The following HHLA1 variants were observed in gnomAD, a reference collection of about 807,000 sequenced individuals.
HHLA1 encodes the protein HERV-H LTR-associating protein 1.
A neutral mutation model predicts 69.9 loss-of-function variants in HHLA1; 72 were observed. The ratio of observed to expected loss-of-function variants is 1.03; its 90% CI spans 0.85 to 1.25. The LOEUF (loss-of-function observed/expected upper bound fraction) is 1.25, where lower values mean the gene tolerates loss of function less well. HHLA1 is among the 50% of genes most tolerant of loss of function. HHLA1 has a pLI of 0.00. For missense variants in HHLA1, 685 were observed against 642.2 expected (o/e 1.07, Z -0.72); for synonymous variants, 252 against 233.2 (o/e 1.08, Z -0.73).
chr8:132,100,197 G>A (rs1824090858), intron 3 of HHLA1, 63 bp from the exon 4 acceptor site: 2 of 1,280,576 alleles, frequency 1.6e-6, no homozygotes, highest in East Asian at 2.5e-5. Context: ...CCCAGGAATG[G>A]AAGAAGCCTT....
At chr8:132,082,551 T>C (rs1450520606) in intron 10 of HHLA1, among the ~76,000 whole-genome samples, 4 of 151,928 alleles carry the variant, frequency 2.6e-5, no homozygotes, top group Non-Finnish European at 5.9e-5. Context: ...AGGTAACAGA[T>C]GAGGAAGAAA....
intron 7 of HHLA1, among the ~76,000 whole-genome samples, chr8:132,092,734 T>G (rs1263048763): frequency 2.6e-5 from 4 of 152,196 alleles, no homozygotes; most frequent in Non-Finnish European, 5.9e-5. Flanking sequence ...TGATTAGACC[T>G]CTTCTCTTTA....
intron 2 of HHLA1, 51 bp from the exon 3 acceptor site, chr8:132,104,218 G>T: frequency 1.5e-6 from 2 of 1,327,280 alleles, no homozygotes; most frequent in Admixed American, 2.0e-5. Context: ...ACATAATACC[G>T]GAGATAATTT....
intron 7 of HHLA1, among the ~76,000 whole-genome samples, chr8:132,092,938 C>T (rs537929542): frequency 6.6e-6 from 1 of 152,294 alleles, no homozygotes; most frequent in Admixed American, 6.5e-5. Flanking sequence ...ACCATCAAAC[C>T]ATTAGAGCAG....
At chr8:132,091,684 G>A (rs1303221127) in intron 7 of HHLA1, among the ~76,000 whole-genome samples, 3 of 152,198 alleles carry the variant, frequency 2.0e-5, no homozygotes, top group Non-Finnish European at 4.4e-5. Flanking sequence ...GAAGGTAGAA[G>A]TACAAAACCC....
chr8:132,101,394 A>G (rs1824107979), intron 3 of HHLA1: 1 of 1,334,468 alleles, frequency 7.5e-7, no homozygotes, highest in African/African-American at 1.5e-5. Flanking sequence ...GAAATCCCCA[A>G]ACTTGATTTG....
rs191681678 is a variant in HHLA1, at chr8:132,064,934, A to G, written c.1553-896T>C. On this transcript the variant is annotated intron_variant, in intron 16 of 16. Transcript: ENST00000414222. ...CTGTTTCGTTTGTTTGTTCAAATGTAAAACATTGCCAAGACTGAGCCCTGT... is the reference window on the plus strand; with the variant it reads ...CTGTTTCGTTTGTTTGTTCAAATGTGAAACATTGCCAAGACTGAGCCCTGT... Among the ~76,000 whole-genome samples the G allele has an allele frequency of 2.7e-3, 409 of 152,326 alleles. 1 individual carries two copies. Among genetic ancestry groups the G allele is most frequent in the African/African-American group, 9.5e-3 (395 of 41,560 alleles).
intron 10 of HHLA1, among the ~76,000 whole-genome samples, chr8:132,081,530 C>A (rs1383204236): frequency 6.6e-6 from 1 of 152,174 alleles, no homozygotes; most frequent in African/African-American, 2.4e-5. Context: ...TGAAAAACTG[C>A]TTGGCTGATT....
chr8:132,080,069 A>G, intron 10 of HHLA1, 103 bp from the exon 11 acceptor site: 1 of 1,403,506 alleles, frequency 7.1e-7, no homozygotes, highest in Non-Finnish European at 9.9e-7. Context: ...GGAGATTCAA[A>G]CCTTTCTCTA....
At chr8:132,103,533 T>A (rs1436115848) in intron 3 of HHLA1, among the ~76,000 whole-genome samples, 1 of 152,008 alleles carries the variant, frequency 6.6e-6, no homozygotes. Flanking sequence ...TGGGAGAATC[T>A]CTTGAGCCTT....
chr8:132,098,620 C>A (rs576892813), intron 5 of HHLA1, among the ~76,000 whole-genome samples: 2 of 152,098 alleles, frequency 1.3e-5, no homozygotes, highest in South Asian at 4.2e-4. Flanking sequence ...CACCACTGCA[C>A]GCAGCTAATT....
intron 15 of HHLA1, among the ~76,000 whole-genome samples, chr8:132,070,981 C>A (rs1215224653): frequency 1.3e-5 from 2 of 152,106 alleles, no homozygotes; most frequent in East Asian, 1.9e-4. Flanking sequence ...CTCATCACAG[C>A]TTAAGTCATC....
intron 10 of HHLA1, among the ~76,000 whole-genome samples, chr8:132,082,171 T>G (rs186711689): frequency 1.1e-4 from 16 of 152,144 alleles, no homozygotes; most frequent in African/African-American, 3.9e-4. Context: ...AGAGTGAGTA[T>G]AGCTGAAGGA....
rs1399504563 is a variant in HHLA1 at position 132,095,907 on chromosome 8, GAAAC to G, written c.281-125_281-122del. The stretch of plus-strand genomic sequence containing the variant: ...TAAAGAAACCAATGATGAAAATAAA[GAAAC>G]AAACAAAAAAGTAATACAAATAAAA... On this transcript the variant is annotated intron_variant, in intron 5 of 16. Transcript: ENST00000414222. 31 of 583,472 alleles carry G rather than the reference GAAAC, an allele frequency of 5.3e-5. 2 individuals carry two copies. In the Middle Eastern group the frequency reaches 1.7e-3, roughly 32 times the overall value. The allele number at this position is 583,472 out of a possible 1,614,324, so 36.1% of individuals were successfully genotyped here.
At chr8:132,102,576 A>G (rs1370524573) in intron 3 of HHLA1, among the ~76,000 whole-genome samples, 1 of 152,116 alleles carries the variant, frequency 6.6e-6, no homozygotes, top group Non-Finnish European at 1.5e-5. Context: ...TGCGCAGTCT[A>G]CTCTGCACCA....
At position 132,087,827 on chromosome 8, in the gene HHLA1, G is replaced by A. The variant is rs1197875400; in HGVS notation, c.589+18C>T. On this transcript the variant is annotated intron_variant, in intron 9 of 16. Transcript: ENST00000414222. The stretch of plus-strand genomic sequence containing the variant: ...TTCTCAGCCCAGAGAGCTTGTCAAA[G>A]AATGTCTAGTGGTTTACCTGACTTT... 2 of 1,549,698 alleles carry A rather than the reference G, an allele frequency of 1.3e-6. No homozygotes were observed. Among genetic ancestry groups the A allele is most frequent in the African/African-American group, 2.7e-5 (2 of 73,150 alleles).
At chr8:132,097,293 C>T (rs1346999985) in intron 5 of HHLA1, among the ~76,000 whole-genome samples, 3 of 152,170 alleles carry the variant, frequency 2.0e-5, no homozygotes, top group Non-Finnish European at 4.4e-5. Flanking sequence ...ATCAGAATCT[C>T]CAGAGCAGGA....
chr8:132,094,237 G>A (rs1371696723), intron 7 of HHLA1, among the ~76,000 whole-genome samples: 1 of 152,168 alleles, frequency 6.6e-6, no homozygotes, highest in African/African-American at 2.4e-5. Flanking sequence ...GGCTTTGGTT[G>A]CCTTTAGTGC....
In HHLA1 at chr8:132,076,059, A is replaced by C; in HGVS notation, c.1311T>G (p.Val437=). Residue 437 remains valine (V), a synonymous_variant, in exon 14 of 17, where the codon GTT becomes GTG. Transcript: ENST00000414222. ...EPVLVPRPHQ[V]SRCPQPLFKV... ...TGACTGGGCACTGGTACTTACTTGA[A>C]ACTTGATGGGGTCTTGGGACCAGGA... 6.4e-7 allele frequency: 1 copy of C among 1,550,782 alleles called. No individual in the cohort carries two copies. The highest frequency in any genetic ancestry group is 1.2e-5 in the South Asian group (1 of 84,032).
Sources: gnomAD v4.1 joint callset for allele counts (sites outside exome capture counted in the v4.1 genomes callset) on GRCh38, gnomAD v4.1.1 for gene constraint, MANE v1.5 for transcripts, NCBI Gene and HGNC (gene_info 2026-07-23, HGNC 2026-07-21) for gene names.